LRRC49: variants seen among roughly 807,000 people sequenced by gnomAD.
The protein encoded by LRRC49 is leucine-rich repeat-containing protein 49.
A neutral mutation model predicts 83.3 loss-of-function variants in LRRC49; 50 were observed. That is an observed-to-expected ratio of 0.60 (90% CI 0.48 to 0.76). LRRC49 has a LOEUF of 0.76. Among genes scored for constraint, LRRC49 ranks in the 30% least tolerant of loss-of-function variants. The pLI is 0.00. For missense variants in LRRC49, 704 were observed against 809.1 expected, an observed-to-expected ratio of 0.87 and a Z score of 1.58; for synonymous variants, 286 against 283.3, an observed-to-expected ratio of 1.01 and a Z score of -0.10.
intron 1 of LRRC49, among the ~76,000 whole-genome samples, chr15:70,855,013 C>T (rs2032616815): frequency 6.6e-6 from 1 of 152,032 alleles, no homozygotes; most frequent in Non-Finnish European, 1.5e-5. Flanking sequence ...CAAATGTGAC[C>T]CAGAAACTAG....
At chr15:71,049,298 G>A in intron 15 of LRRC49, 111 bp from the exon 16 acceptor site, 1 of 683,240 alleles carries the variant, frequency 1.5e-6, no homozygotes, top group South Asian at 2.0e-5. Flanking sequence ...AGATGGGGGA[G>A]GAATAGGGGG....
At chr15:70,977,842 A>G (rs1361442444) in intron 9 of LRRC49, among the ~76,000 whole-genome samples, 1 of 152,114 alleles carries the variant, frequency 6.6e-6, no homozygotes, top group Non-Finnish European at 1.5e-5. Context: ...TTATAAAAAA[A>G]ATATGAATTT....
At chr15:70,914,572 G>A (rs1340853412) in intron 6 of LRRC49, among the ~76,000 whole-genome samples, 1 of 152,092 alleles carries the variant, frequency 6.6e-6, no homozygotes, top group Non-Finnish European at 1.5e-5. Flanking sequence ...GATATGATAA[G>A]GGGGCAGATT....
chr15:70,980,058 A>C, intron 9 of LRRC49, 43 bp from the exon 10 acceptor site: 2 of 1,278,674 alleles, frequency 1.6e-6, no homozygotes, highest in Non-Finnish European at 2.2e-6. Context: ...GCATTAAAAA[A>C]TGGTTAAACT....
intron 6 of LRRC49, among the ~76,000 whole-genome samples, chr15:70,913,842 A>C (rs991452025): frequency 1.3e-5 from 2 of 152,148 alleles, no homozygotes; most frequent in African/African-American, 4.8e-5. Flanking sequence ...GTACTACCCA[A>C]GATCTTCAAG....
chr15:70,968,427 G>A (rs143780293), intron 9 of LRRC49, among the ~76,000 whole-genome samples: 9 of 152,284 alleles, frequency 5.9e-5, no homozygotes, highest in African/African-American at 2.2e-4. Flanking sequence ...ATTGTGAATA[G>A]TGCTGCAATA....
intron 1 of LRRC49, chr15:70,853,753 G>C: frequency 1.7e-6 from 1 of 602,864 alleles, no homozygotes; most frequent in Non-Finnish European, 2.4e-6. Flanking sequence ...GGCTCGGCCC[G>C]GAGCTGCTTC....
chr15:70,996,632 C>A (rs891766808), intron 11 of LRRC49, among the ~76,000 whole-genome samples: 1 of 152,154 alleles, frequency 6.6e-6, no homozygotes, highest in Non-Finnish European at 1.5e-5. Context: ...TCCCTCACCT[C>A]TTTTCCTCCC....
chr15:70,863,900 AT>A (rs1299087064), intron 1 of LRRC49, among the ~76,000 whole-genome samples: 2 of 152,170 alleles, frequency 1.3e-5, no homozygotes, highest in Non-Finnish European at 2.9e-5. Flanking sequence ...GAGGGGAGGC[AT>A]TTTTTGCCAC....
chr15:71,039,950 A>G (rs1054076256), intron 15 of LRRC49, among the ~76,000 whole-genome samples: 40 of 152,244 alleles, frequency 2.6e-4, no homozygotes, highest in African/African-American at 8.7e-4. Context: ...GATTCCAAAA[A>G]TGCCAGTATT....
intron 2 of LRRC49, chr15:70,881,846 C>T (rs886219299): frequency 6.6e-6 from 1 of 152,214 alleles, no homozygotes; most frequent in Non-Finnish European, 1.5e-5. Context: ...TATATGAAAA[C>T]TCTATCTCTA....
At chr15:70,880,246 C>T (rs1409665219) in intron 2 of LRRC49, among the ~76,000 whole-genome samples, 1 of 152,194 alleles carries the variant, frequency 6.6e-6, no homozygotes, top group Non-Finnish European at 1.5e-5. Context: ...AACCTCTCCC[C>T]CCACCTCAAT....
intron 15 of LRRC49, among the ~76,000 whole-genome samples, chr15:71,045,344 C>T (rs927441788): frequency 1.1e-4 from 16 of 152,206 alleles, no homozygotes; most frequent in Admixed American, 2.0e-4. Context: ...CTATTAGCAT[C>T]GTACCATACA....
intron 12 of LRRC49, among the ~76,000 whole-genome samples, chr15:71,009,240 G>A (rs1308434471): frequency 6.6e-6 from 1 of 151,766 alleles, no homozygotes; most frequent in East Asian, 1.9e-4. Context: ...AGTTAGAGGT[G>A]AAGACAGTAT....
chr15:70,992,167 AT>A (rs2037905366), intron 11 of LRRC49, among the ~76,000 whole-genome samples: 1 of 152,196 alleles, frequency 6.6e-6, no homozygotes, highest in Non-Finnish European at 1.5e-5. Context: ...CCATCAGGTC[AT>A]TTAAGGACTT....
chr15:71,018,503 T>C (rs917233238), intron 14 of LRRC49, among the ~76,000 whole-genome samples: 3 of 152,154 alleles, frequency 2.0e-5, no homozygotes, highest in Non-Finnish European at 4.4e-5. Context: ...TATAACATAA[T>C]TACTAGGCCA....
chr15:71,029,052 A>G (rs2039265288), intron 14 of LRRC49, among the ~76,000 whole-genome samples: 1 of 152,128 alleles, frequency 6.6e-6, no homozygotes, highest in African/African-American at 2.4e-5. Context: ...TGTCGATTTT[A>G]TATCTTTCCA....
At chr15:70,910,785 G>A (rs148599321) in intron 5 of LRRC49, among the ~76,000 whole-genome samples, 2 of 152,296 alleles carry the variant, frequency 1.3e-5, no homozygotes, top group Non-Finnish European at 2.9e-5. Flanking sequence ...ACCAGGCACT[G>A]TTATGAGTGC....
chr15:70,869,964 A>G (rs1379711677), intron 1 of LRRC49, among the ~76,000 whole-genome samples: 1 of 152,236 alleles, frequency 6.6e-6, no homozygotes, highest in Non-Finnish European at 1.5e-5. Flanking sequence ...AGCTAAAAAA[A>G]AAAATTATTT....
Sources: allele counts gnomAD v4.1 joint callset (sites outside exome capture counted in the v4.1 genomes callset), GRCh38; gene constraint gnomAD v4.1.1; transcripts MANE v1.5; gene names NCBI Gene and HGNC (gene_info 2026-07-23, HGNC 2026-07-21).